KPNA1: variants seen among roughly 807,000 people sequenced by gnomAD.
KPNA1 encodes importin subunit alpha-5.
In KPNA1, 10 loss-of-function variants were observed where a neutral mutation model predicts 70.5. The ratio of observed to expected loss-of-function variants is 0.14; its 90% CI spans 0.09 to 0.24. KPNA1 has a LOEUF of 0.24. Ranked by LOEUF, KPNA1 falls within the 10% of genes least tolerant of loss-of-function variation. KPNA1 has a pLI of 1.00. For synonymous variants in KPNA1, 192 were observed against 221.9 expected (o/e 0.87, Z 1.20); for missense variants, 397 against 637.9 (o/e 0.62, Z 4.07).
intron 2 of KPNA1, among the ~76,000 whole-genome samples, chr3:122,486,406 A>T (rs982092301): frequency 1.3e-5 from 2 of 152,250 alleles, no homozygotes; most frequent in African/African-American, 4.8e-5. Flanking sequence ...TATGGTAACT[A>T]ATCAGTAGTA....
In KPNA1 at chr3:122,460,354, T is replaced by C. The variant is rs1274741259; in HGVS notation, c.432+870A>G. On this transcript the variant is annotated intron_variant, in intron 5 of 13. Coordinates refer to ENST00000344337, the MANE Select transcript of KPNA1 (RefSeq NM_002264.4). Reference sequence around the variant, plus strand: ...TTTTCTTATGAAAATTATTGAATACTTGGCTGGGAGCAGTGGCTCACACCT... The same window carrying C: ...TTTTCTTATGAAAATTATTGAATACCTGGCTGGGAGCAGTGGCTCACACCT... The C allele has an allele frequency of 1.1e-5, 11 of 983,748 alleles. No individual in the cohort carries two copies. The South Asian group carries it at 1.4e-4, about 13-fold the overall frequency. 60.9% of individuals were successfully genotyped at this position (983,748 alleles called of 1,614,324 possible).
Position 122,425,217 on chromosome 3 carries a change from A to G in KPNA1, c.*1768T>C, listed in dbSNP as rs1288315311. ...ACTCTTTCTAGTTTGAATGAAGTGGATTTTTTAAAAGTTTAAATCAGGTCA... is the reference window on the plus strand; with the variant it reads ...ACTCTTTCTAGTTTGAATGAAGTGGGTTTTTTAAAAGTTTAAATCAGGTCA... On this transcript the variant is annotated 3_prime_UTR_variant, in exon 14 of 14. Coordinates refer to ENST00000344337, the MANE Select transcript of KPNA1 (RefSeq NM_002264.4). The G allele has an allele frequency of 2.0e-5, 3 of 152,650 alleles. No individual in the cohort carries two copies. The highest frequency in any genetic ancestry group is 1.3e-4 in the Admixed American group (2 of 15,268). 9.5% of individuals were successfully genotyped at this position (152,650 alleles called of 1,614,324 possible).
At chr3:122,461,094 G>A in intron 5 of KPNA1, 130 bp downstream of exon 5, 1 of 535,338 alleles carries the variant, frequency 1.9e-6, no homozygotes, top group Non-Finnish European at 3.3e-6. Flanking sequence ...TTGCAATGTA[G>A]TTGTCAGGAA....
chr3:122,451,504 C>T, intron 8 of KPNA1, 30 bp downstream of exon 8: 2 of 1,249,928 alleles, frequency 1.6e-6, no homozygotes, highest in Admixed American at 2.1e-5. Context: ...TGTATTTTTT[C>T]TGCCAATGTC....
At chr3:122,498,160 A>G (rs2076785151) in intron 1 of KPNA1, among the ~76,000 whole-genome samples, 2 of 152,192 alleles carry the variant, frequency 1.3e-5, no homozygotes, top group Admixed American at 1.3e-4. Flanking sequence ...TGGTCTTGGC[A>G]CCTGCTATAG....
intron 11 of KPNA1, among the ~76,000 whole-genome samples, chr3:122,435,682 C>CT (rs2075975418): frequency 6.6e-6 from 1 of 152,160 alleles, no homozygotes; most frequent in Admixed American, 6.5e-5. Flanking sequence ...TTTATCATTT[C>CT]TTACACCTGT....
At chr3:122,442,906 TCTGCATCACCAACTGAGG>T (rs2076083578) in intron 9 of KPNA1, 1 of 152,324 alleles carries the variant, frequency 6.6e-6, no homozygotes, top group South Asian at 2.1e-4. Context: ...ACGGGTGATT[TCTGCATCACCAACTGAGG>T]TACCTGATTC....
At chr3:122,493,409 A>G (rs1198993603) in intron 2 of KPNA1, among the ~76,000 whole-genome samples, 1 of 152,080 alleles carries the variant, frequency 6.6e-6, no homozygotes, top group Non-Finnish European at 1.5e-5. Context: ...CAATGGAAAA[A>G]CAGATTGAGA....
intron 2 of KPNA1, among the ~76,000 whole-genome samples, chr3:122,493,481 T>C (rs939801235): frequency 2.0e-5 from 3 of 152,116 alleles, no homozygotes; most frequent in Non-Finnish European, 4.4e-5. Context: ...GGATATACTG[T>C]TGAGAAGCAA....
chr3:122,499,880 G>C (rs973975137), intron 1 of KPNA1, among the ~76,000 whole-genome samples: 6 of 152,082 alleles, frequency 3.9e-5, no homozygotes, highest in Non-Finnish European at 7.4e-5. Flanking sequence ...GGAAGATTTT[G>C]TCAAGAATTA....
At chr3:122,441,968 A>G in intron 10 of KPNA1, 70 bp downstream of exon 10, 1 of 1,058,332 alleles carries the variant, frequency 9.4e-7, no homozygotes, top group Non-Finnish European at 1.5e-6. Flanking sequence ...AAATACGATA[A>G]TAGAAACATG....
At chr3:122,479,366 T>A (rs958276908) in intron 2 of KPNA1, among the ~76,000 whole-genome samples, 5 of 152,168 alleles carry the variant, frequency 3.3e-5, no homozygotes, top group African/African-American at 1.2e-4. Context: ...TAACACCAAA[T>A]GCTGGCAAGG....
intron 12 of KPNA1, among the ~76,000 whole-genome samples, chr3:122,430,259 T>C (rs2075883349): frequency 6.6e-6 from 1 of 152,156 alleles, no homozygotes; most frequent in South Asian, 2.1e-4. Flanking sequence ...ATTATCATAC[T>C]TGTTTTTATT....
Position 122,453,928 on chromosome 3 carries a change from C to T in KPNA1, c.506G>A (p.Gly169Glu). Residue 169 changes from glycine to glutamate, a missense_variant, in exon 6 of 14, where the codon GGA (glycine) becomes GAA (glutamate). Coordinates refer to ENST00000344337, the MANE Select transcript of KPNA1 (RefSeq NM_002264.4). ...SLQTRIVIQA[G>E]AVPIFIELLS... The stretch of plus-strand genomic sequence containing the variant: ...CAACTCTATGAAGATGGGCACAGCT[C>T]CTGCCTGAATCACAATTCGGGTCTG... The T allele has an allele frequency of 6.2e-7, 1 of 1,613,506 alleles. No homozygotes were observed. The highest frequency in any genetic ancestry group is 8.5e-7 in the Non-Finnish European group (1 of 1,179,574).
chr3:122,440,109 T>C (rs1050057046), intron 10 of KPNA1, among the ~76,000 whole-genome samples: 1 of 152,178 alleles, frequency 6.6e-6, no homozygotes, highest in Non-Finnish European at 1.5e-5. Flanking sequence ...AGTCCCTATA[T>C]ATTGTGCCAG....
intron 1 of KPNA1, among the ~76,000 whole-genome samples, chr3:122,507,372 C>T (rs1459598652): frequency 6.8e-6 from 1 of 146,806 alleles, no homozygotes; most frequent in African/African-American, 2.5e-5. Context: ...ACCCAGATGG[C>T]AGAGGTTGCA....
rs1186955141 is a variant in KPNA1, at chr3:122,426,653, CT to C, written c.*331del. 1 of 209,992 alleles carries C rather than the reference CT, an allele frequency of 4.8e-6. No homozygotes were observed. The highest frequency in any genetic ancestry group is 9.4e-6 in the Non-Finnish European group (1 of 105,986). 13.0% of individuals were successfully genotyped at this position (209,992 alleles called of 1,614,324 possible). On this transcript the variant is annotated 3_prime_UTR_variant, in exon 14 of 14. Transcript: ENST00000344337. Reference sequence around the variant, plus strand: ...GTTAAAGGGAATGAGGAGGAGTCCTCTTTTATTCCCCCACAAGAAAAAGGGA... The same window carrying C: ...GTTAAAGGGAATGAGGAGGAGTCCTCTTTATTCCCCCACAAGAAAAAGGGA...
chr3:122,499,383 T>G (rs2076799259), intron 1 of KPNA1, among the ~76,000 whole-genome samples: 1 of 152,210 alleles, frequency 6.6e-6, no homozygotes, highest in Middle Eastern at 3.2e-3. Flanking sequence ...TGTTTTATAA[T>G]TAAAGAGTGT....
In KPNA1 at chr3:122,433,671, C is replaced by G. The variant is rs1167881811; in HGVS notation, c.1240G>C (p.Glu414Gln). 3 of 1,605,240 alleles carry G rather than the reference C, an allele frequency of 1.9e-6. No homozygotes were observed. The highest frequency in any genetic ancestry group is 1.7e-6 in the Non-Finnish European group (2 of 1,177,722). ...ITNATSGGSA[E>Q]QIKYLVELGC... ...CTGATTGGTACTTACTTGATCTGTT[C>G]AGCTGATCCTCCAGAAGTTGCATTT... The change falls in exon 12 of 14, where the codon GAA becomes CAA. Residue 414 changes from glutamate (E) to glutamine (Q), a missense_variant. By Grantham distance (29) the Glu-to-Gln change is conservative (BLOSUM62 2). Transcript: ENST00000344337.
Sources: allele counts gnomAD v4.1 joint callset (sites outside exome capture counted in the v4.1 genomes callset), GRCh38; gene constraint gnomAD v4.1.1; transcripts MANE v1.5; gene names NCBI Gene and HGNC (gene_info 2026-07-23, HGNC 2026-07-21).